The following PAXIP1 variants were observed in gnomAD, a reference collection of about 807,000 sequenced individuals.
PAXIP1 encodes the protein PAX-interacting protein 1.
In PAXIP1, 19 loss-of-function variants were observed where a neutral mutation model predicts 140.6. The ratio of observed to expected loss-of-function variants is 0.14; its 90% CI spans 0.09 to 0.20. The LOEUF (loss-of-function observed/expected upper bound fraction) is 0.20. Among genes scored for constraint, PAXIP1 ranks in the 10% least tolerant of loss-of-function variants. PAXIP1 has a pLI of 1.00. For synonymous variants in PAXIP1, 442 were observed against 444.6 expected (o/e 0.99, Z 0.07); for missense variants, 920 against 1,208.6 (o/e 0.76, Z 3.54).
rs751904682 is a variant in PAXIP1 at position 154,963,729 on chromosome 7, A to G, written c.1931T>C (p.Phe644Ser). The G allele has an allele frequency of 1.2e-6, 2 of 1,613,644 alleles. No homozygotes were observed. Among genetic ancestry groups the G allele is most frequent in the South Asian group, 1.1e-5 (1 of 90,928 alleles). The change falls in exon 9 of 21, where the codon TTC becomes TCC. Residue 644 changes from phenylalanine to serine, a missense_variant. Phe to Ser is a radical substitution (Grantham distance 155, BLOSUM62 -2). Around this residue, in one of 5 missense-constraint regions of PAXIP1, gnomAD observed 62 missense variants for 69.0 expected, o/e 0.90. Coordinates refer to ENST00000404141, the MANE Select transcript of PAXIP1 (RefSeq NM_007349.4). The surrounding 1 kb of genome is among the most constrained non-coding windows in gnomAD (Gnocchi z 4.1). ...GAGAAGGTGCGTGCATCGACTCGTG[A>G]AGGTGGGGTCAACAGTGCCGCCATG... ...QAHGGTVDPT[F>S]TSRCTHLLCE...
At position 154,956,699 on chromosome 7, in the gene PAXIP1, C is replaced by G. The variant is rs955824910; in HGVS notation, c.2549+525G>C. 6.5e-6 allele frequency: 1 copy of G among 152,740 alleles called. No homozygotes were observed. The highest frequency in any genetic ancestry group is 6.5e-5 in the Admixed American group (1 of 15,292). 9.5% of individuals were successfully genotyped at this position (152,740 alleles called of 1,614,324 possible). On this transcript the variant is annotated intron_variant, in intron 14 of 20. Transcript: ENST00000404141. This position sits in a 1 kb window ranked among gnomAD's most constrained non-coding sequence, Gnocchi z 4.2. Reference sequence around the variant, plus strand: ...TTTGGGTCTGGATCCTCCTTCCCACCGTGGCCAACATTGCTTTGTCCTCAT... The same window carrying G: ...TTTGGGTCTGGATCCTCCTTCCCACGGTGGCCAACATTGCTTTGTCCTCAT...
At chr7:154,948,076 C>G in intron 16 of PAXIP1, 73 bp from the exon 17 acceptor site, 1 of 963,594 alleles carries the variant, frequency 1.0e-6, no homozygotes, top group Non-Finnish European at 1.7e-6. Flanking sequence ...CCACAAAATT[C>G]TCGCCCATAT....
Position 154,954,239 on chromosome 7 carries a change from T to C in PAXIP1, c.2821+16A>G, listed in dbSNP as rs1477089789. 7.0e-7 allele frequency: 1 copy of C among 1,436,380 alleles called. No individual in the cohort carries two copies. The highest frequency in any genetic ancestry group is 1.6e-5 in the South Asian group (1 of 62,644). The allele number at this position is 1,436,380 out of a possible 1,614,324, so 89.0% of individuals were successfully genotyped here. A position where few individuals can be genotyped will look rare whatever the true frequency, so the allele number is the denominator to read the frequency against. ...TATTTGGCATTAAAAGCAAAGTTAC[T>C]GGCGCTGCTCCTTACCAATGAACTT... is the stretch of plus-strand genomic sequence containing the variant. On this transcript the variant is annotated intron_variant, in intron 16 of 20. Transcript: ENST00000404141. This position sits in a 1 kb window ranked among gnomAD's most constrained non-coding sequence, Gnocchi z 5.1.
intron 16 of PAXIP1, chr7:154,950,517 A>G (rs1266254676): frequency 6.6e-6 from 1 of 152,322 alleles, no homozygotes; most frequent in Non-Finnish European, 1.5e-5. Context: ...AGGAGCTCCC[A>G]TTCACTGCAG....
At chr7:154,998,979 T>C (rs1585091834) in intron 1 of PAXIP1, among the ~76,000 whole-genome samples, 195 bp from the exon 2 acceptor site, 1 of 152,216 alleles carries the variant, frequency 6.6e-6, no homozygotes, top group African/African-American at 2.4e-5. Flanking sequence ...CAGCAAATCT[T>C]GATTCACTGA....
At chr7:154,985,336 C>T (rs937545137) in intron 4 of PAXIP1, among the ~76,000 whole-genome samples, 3 of 152,162 alleles carry the variant, frequency 2.0e-5, no homozygotes, top group African/African-American at 7.2e-5. Context: ...AATGTCTCCT[C>T]AGTGCTGCAA....
At chr7:154,967,712 G>A (rs532495449) in intron 8 of PAXIP1, 104 bp downstream of exon 8, 9 of 734,204 alleles carry the variant, frequency 1.2e-5, no homozygotes, top group South Asian at 1.0e-4. Context: ...TTCAGAACAC[G>A]TGCAGGTGCA....
chr7:154,963,645 G>T lies in PAXIP1; in HGVS notation c.1989+26C>A. 1 of 1,508,506 alleles carries T rather than the reference G, an allele frequency of 6.6e-7. No homozygotes were observed. The highest frequency in any genetic ancestry group is 9.2e-7 in the Non-Finnish European group (1 of 1,088,980). 93.4% of individuals were successfully genotyped at this position (1,508,506 alleles called of 1,614,324 possible). On this transcript the variant is annotated intron_variant, in intron 9 of 20. Transcript: ENST00000404141. This position sits in a 1 kb window ranked among gnomAD's most constrained non-coding sequence, Gnocchi z 4.1. Reference sequence around the variant, plus strand: ...TTAAAAATGCCAGACCTTGCTCCTGGTCGCAGCTAAGGCTATTTTCCTTAC... The same window carrying T: ...TTAAAAATGCCAGACCTTGCTCCTGTTCGCAGCTAAGGCTATTTTCCTTAC...
intron 13 of PAXIP1, among the ~76,000 whole-genome samples, chr7:154,958,387 A>G (rs1808622092): frequency 6.6e-6 from 1 of 152,182 alleles, no homozygotes; most frequent in African/African-American, 2.4e-5. Flanking sequence ...TACTTGAAGG[A>G]ATTGCTCTCA....
chr7:154,982,872 T>TA (rs1017850976), intron 5 of PAXIP1, among the ~76,000 whole-genome samples: 6 of 151,092 alleles, frequency 4.0e-5, no homozygotes, highest in African/African-American at 7.3e-5. Flanking sequence ...ACAAGGTTCT[T>TA]AAAAAAAAAT....
intron 12 of PAXIP1, 38 bp downstream of exon 12, chr7:154,960,855 A>G: frequency 7.1e-7 from 1 of 1,406,262 alleles, no homozygotes; most frequent in Non-Finnish European, 9.6e-7. Context: ...TAATGATTTT[A>G]TTTAAGTAAG....
In PAXIP1 at chr7:154,975,823, C is replaced by G. The variant is rs749589303; in HGVS notation, c.947G>C (p.Gly316Ala). ...PEVRGNLMAA[G>A]QNLQSSERSE... The stretch of plus-strand genomic sequence containing the variant: ...TCTTTCAGAACTTTGGAGGTTTTGT[C>G]CAGCAGCCATTAAATTACCCCGGAC... The change falls in exon 6 of 21, where the codon GGA (glycine) becomes GCA (alanine). Residue 316 changes from glycine (G) to alanine (A), a missense_variant. By Grantham distance (60) the Gly-to-Ala change is moderately conservative. This residue lies in a region of PAXIP1 where 419 missense variants were observed against 514.7 expected (regional missense o/e 0.81). Transcript: ENST00000404141. 1.2e-6 allele frequency: 2 copies of G among 1,613,884 alleles called. No homozygotes were observed. Among genetic ancestry groups the G allele is most frequent in the East Asian group, 4.5e-5 (2 of 44,886 alleles).
rs1011454550 is a variant in PAXIP1, at chr7:155,003,042, C to T, written c.-113G>A. ...CGCCCCGCCAACGGCCCTGCCCGCG[C>T]AGCCCGGGCCCGGTCCTGCGAATCG... is the stretch of plus-strand genomic sequence containing the variant. On this transcript the variant is annotated 5_prime_UTR_variant, in exon 1 of 21. Transcript: ENST00000404141. 1,056 of 282,170 alleles carry T rather than the reference C, an allele frequency of 3.7e-3. 5 individuals are homozygous for T. The highest frequency in any genetic ancestry group is 5.0e-3 in the Non-Finnish European group (954 of 190,548). 17.5% of individuals were successfully genotyped at this position (282,170 alleles called of 1,614,324 possible). A position where few individuals can be genotyped will look rare whatever the true frequency, so the allele number is the denominator to read the frequency against.
chr7:154,993,866 A>G (rs888120975), intron 2 of PAXIP1, 97 bp from the exon 3 acceptor site: 3 of 859,384 alleles, frequency 3.5e-6, no homozygotes, highest in Non-Finnish European at 3.6e-6. Flanking sequence ...TCTCTGTTAC[A>G]ACCTATTTTA....
At chr7:154,990,834 AAAGC>A (rs1345460024) in intron 4 of PAXIP1, among the ~76,000 whole-genome samples, 168 bp downstream of exon 4, 1 of 152,186 alleles carries the variant, frequency 6.6e-6, no homozygotes, top group Admixed American at 6.5e-5. Flanking sequence ...TTAAATCTTA[AAAGC>A]AAGCACAAAT....
In PAXIP1 at chr7:154,963,277, G is replaced by T. The variant is rs1273585241; in HGVS notation, c.1989+394C>A. 6.6e-6 allele frequency among the ~76,000 whole-genome samples: 1 copy of T among 152,122 alleles called. No individual in the cohort carries two copies. Among genetic ancestry groups the T allele is most frequent in the Non-Finnish European group, 1.5e-5 (1 of 68,032 alleles). ...TGCAACCTCTACCTCCTGGGTTCAA[G>T]CAATTCTCCTGCCTCAGCCTCCTGA... is the stretch of plus-strand genomic sequence containing the variant. On this transcript the variant is annotated intron_variant, in intron 9 of 20. Coordinates refer to ENST00000404141, the MANE Select transcript of PAXIP1 (RefSeq NM_007349.4). The surrounding 1 kb of genome is among the most constrained non-coding windows in gnomAD (Gnocchi z 4.1).
intron 4 of PAXIP1, among the ~76,000 whole-genome samples, chr7:154,985,743 A>T (rs1467849144): frequency 1.3e-5 from 2 of 152,096 alleles, no homozygotes; most frequent in Non-Finnish European, 2.9e-5. Context: ...CACCACCCCC[A>T]ATAAGACACT....
chr7:154,976,156 T>C lies in PAXIP1; in HGVS notation c.614A>G (p.Glu205Gly). 6.3e-7 allele frequency: 1 copy of C among 1,586,798 alleles called. No homozygotes were observed. The change falls in exon 6 of 21, where the codon GAA becomes GGA. Residue 205 changes from glutamate to glycine, a missense_variant. This residue lies in a region of PAXIP1 where 419 missense variants were observed against 514.7 expected (regional missense o/e 0.81). Transcript: ENST00000404141. ...ACTACCCTCATTCTGAGAATCTTGTTCCTCATTTTCTACTTCCTCCTCCTC... is the reference window on the plus strand; with the variant it reads ...ACTACCCTCATTCTGAGAATCTTGTCCCTCATTTTCTACTTCCTCCTCCTC... ...EEEEEEVENE[E>G]QDSQNEGSTD...
chr7:154,975,574 A>C, intron 6 of PAXIP1, 122 bp downstream of exon 6: 1 of 657,796 alleles, frequency 1.5e-6, no homozygotes. Flanking sequence ...AGGTTCTCAC[A>C]CAAATACTGC....
Sources: gnomAD v4.1 joint callset for allele counts (sites outside exome capture counted in the v4.1 genomes callset) on GRCh38, gnomAD v4.1.1 for gene constraint, gnomAD v4.1.1 regional missense constraint, Gnocchi (gnomAD v3.1) non-coding constraint, MANE v1.5 for transcripts, NCBI Gene and HGNC (gene_info 2026-07-23, HGNC 2026-07-21) for gene names.